RAPGEF4: variants seen among roughly 807,000 people sequenced by gnomAD.
The protein encoded by RAPGEF4 is Rap guanine nucleotide exchange factor 4.
A neutral mutation model predicts 147.9 loss-of-function variants in RAPGEF4; 66 were observed. The ratio of observed to expected loss-of-function variants is 0.45; its 90% CI spans 0.37 to 0.55. The LOEUF (loss-of-function observed/expected upper bound fraction) is 0.55, where lower values mean the gene tolerates loss of function less well. RAPGEF4 is among the 20% of genes least tolerant of loss of function. RAPGEF4 has a pLI of 0.00. For missense variants in RAPGEF4, 1,071 were observed against 1,257.3 expected, an observed-to-expected ratio of 0.85 and a Z score of 2.24; for synonymous variants, 419 against 442.7, an observed-to-expected ratio of 0.95 and a Z score of 0.67.
At chr2:172,862,754 A>C (rs1694174446) in intron 4 of RAPGEF4, among the ~76,000 whole-genome samples, 1 of 152,194 alleles carries the variant, frequency 6.6e-6, no homozygotes, top group African/African-American at 2.4e-5. Flanking sequence ...TTTGGGACAA[A>C]ATACCTAATC....
intron 6 of RAPGEF4, among the ~76,000 whole-genome samples, chr2:172,952,793 C>T (rs1688335134): frequency 6.6e-6 from 1 of 152,122 alleles, no homozygotes; most frequent in Admixed American, 6.5e-5. Flanking sequence ...CTCAGAAGAT[C>T]CTGTATGTTA....
At chr2:172,960,149 C>G (rs1196143597) in intron 6 of RAPGEF4, among the ~76,000 whole-genome samples, 1 of 152,118 alleles carries the variant, frequency 6.6e-6, no homozygotes, top group Non-Finnish European at 1.5e-5. Context: ...TAGAGCTGAT[C>G]TGACAGTCAC....
Position 173,024,217 on chromosome 2 carries a change from TA to T in RAPGEF4, c.2254-2354del, listed in dbSNP as rs1187369649. Among the ~76,000 whole-genome samples the T allele has an allele frequency of 1.7e-3, 82 of 47,100 alleles. 1 individual carries two copies. Among genetic ancestry groups the T allele is most frequent in the African/African-American group, 4.1e-3 (78 of 18,928 alleles). 30.9% of individuals were successfully genotyped at this position (47,100 alleles called of 152,430 possible). Reference sequence around the variant, plus strand: ...TTGCTACAGCACTTCTTTTTTTTATTATTTTTTTTTTTTTTTTTGAGACGGA... The same window carrying T: ...TTGCTACAGCACTTCTTTTTTTTATTTTTTTTTTTTTTTTTTTGAGACGGA... On this transcript the variant is annotated intron_variant, in intron 23 of 30. Coordinates refer to ENST00000397081, the MANE Select transcript of RAPGEF4 (RefSeq NM_007023.4).
In RAPGEF4 at chr2:173,001,713, G is replaced by A. The variant is rs113367715; in HGVS notation, c.1658+369G>A. Among the ~76,000 whole-genome samples, 927 of 152,156 alleles carry A rather than the reference G, an allele frequency of 6.1e-3. 15 individuals carry two copies. The highest frequency in any genetic ancestry group is 0.021 in the African/African-American group (879 of 41,514). ...CCTCTGTTTCTGGGGAGGACTTGGGGAAGTTACAATTGTGGCTGAAGGTGA... is the reference window on the plus strand; with the variant it reads ...CCTCTGTTTCTGGGGAGGACTTGGGAAAGTTACAATTGTGGCTGAAGGTGA... On this transcript the variant is annotated intron_variant, in intron 17 of 30. Coordinates refer to ENST00000397081, the MANE Select transcript of RAPGEF4 (RefSeq NM_007023.4).
chr2:172,978,206 C>A (rs935575081), intron 10 of RAPGEF4, among the ~76,000 whole-genome samples: 8 of 143,788 alleles, frequency 5.6e-5, no homozygotes, highest in African/African-American at 2.2e-4. Flanking sequence ...ACACCCCCCC[C>A]AGAGCTTCCC....
At chr2:173,044,209 G>A (rs1425483011) in intron 29 of RAPGEF4, among the ~76,000 whole-genome samples, 1 of 145,952 alleles carries the variant, frequency 6.9e-6, no homozygotes, top group African/African-American at 2.5e-5. Flanking sequence ...GGAGTTCCTG[G>A]AACCATCTAA....
At chr2:172,765,944 C>T (rs980386769) in intron 1 of RAPGEF4, among the ~76,000 whole-genome samples, 2 of 152,134 alleles carry the variant, frequency 1.3e-5, no homozygotes, top group Admixed American at 1.3e-4. Flanking sequence ...GTAGCTGTCA[C>T]TTCTGAACCC....
chr2:173,001,024 G>A (rs11687990), intron 16 of RAPGEF4, among the ~76,000 whole-genome samples: 46,382 of 151,914 alleles, frequency 0.31, 7,214 homozygotes, highest in Non-Finnish European at 0.34. Context: ...ACCCAGTGCC[G>A]TTTGTACAAG....
intron 11 of RAPGEF4, among the ~76,000 whole-genome samples, chr2:172,984,345 T>A (rs373555204): frequency 7.2e-5 from 11 of 152,320 alleles, no homozygotes; most frequent in African/African-American, 2.4e-4. Context: ...AAAGTGGTGT[T>A]CTGCTACCTC....
At chr2:173,037,150 C>T (rs1684130614) in intron 29 of RAPGEF4, among the ~76,000 whole-genome samples, 1 of 152,190 alleles carries the variant, frequency 6.6e-6, no homozygotes, top group Non-Finnish European at 1.5e-5. Context: ...ATAAAGTTCG[C>T]TCAAGTTCAG....
intron 1 of RAPGEF4, among the ~76,000 whole-genome samples, chr2:172,790,531 C>A (rs1220951066): frequency 6.6e-6 from 1 of 152,144 alleles, no homozygotes; most frequent in Non-Finnish European, 1.5e-5. Context: ...ATTAGAGAAA[C>A]CACATCATCA....
At chr2:172,750,835 A>T (rs1300345671) in intron 1 of RAPGEF4, among the ~76,000 whole-genome samples, 1 of 151,904 alleles carries the variant, frequency 6.6e-6, no homozygotes, top group Non-Finnish European at 1.5e-5. Flanking sequence ...AAGTCAGATT[A>T]CTTGTTTTTT....
intron 4 of RAPGEF4, chr2:172,860,429 TA>T (rs1693896687): frequency 5.7e-6 from 3 of 526,146 alleles, no homozygotes; most frequent in African/African-American, 4.1e-5. Context: ...TCATTTTGTG[TA>T]AATGTAATAT....
intron 17 of RAPGEF4, among the ~76,000 whole-genome samples, chr2:173,011,668 A>G (rs904748849): frequency 3.3e-5 from 5 of 152,106 alleles, no homozygotes; most frequent in African/African-American, 1.2e-4. Context: ...TATCACCAGA[A>G]CCTAGCATGG....
rs1553541600 is a variant in RAPGEF4, at chr2:172,983,485, T to TTA, written c.1005-11_1005-10insTA. 6.3e-7 allele frequency: 1 copy of TTA among 1,582,788 alleles called. No homozygotes were observed. Among genetic ancestry groups the TTA allele is most frequent in the African/African-American group, 1.4e-5 (1 of 72,698 alleles). ...TTTTCCATATTCCTTTTTTTTTTTT[T>TTA]ATCTTTGTAGACCTGGCCAGAGGAC... On this transcript the variant is annotated splice_polypyrimidine_tract_variant and intron_variant, in intron 10 of 30. Transcript: ENST00000397081.
rs1456712263 is a variant in RAPGEF4, at chr2:173,052,511, T to C, written c.*744T>C. ...AATAACATTTCAGAAGAGCACAATA[T>C]GCATAAAACATTTTTCAAAATTGAA... On this transcript the variant is annotated 3_prime_UTR_variant, in exon 31 of 31. Coordinates refer to ENST00000397081, the MANE Select transcript of RAPGEF4 (RefSeq NM_007023.4). 2 of 152,620 alleles carry C rather than the reference T, an allele frequency of 1.3e-5. No homozygotes were observed. The highest frequency in any genetic ancestry group is 4.8e-5 in the African/African-American group (2 of 41,452). 9.5% of individuals were successfully genotyped at this position (152,620 alleles called of 1,614,324 possible).
intron 4 of RAPGEF4, among the ~76,000 whole-genome samples, chr2:172,870,707 T>C (rs561183874): frequency 1.3e-5 from 2 of 152,338 alleles, no homozygotes; most frequent in Admixed American, 1.3e-4. Context: ...TGTGCATGGA[T>C]ATAGCCAGGT....
At chr2:172,867,334 T>G (rs917075404) in intron 4 of RAPGEF4, among the ~76,000 whole-genome samples, 53 of 152,240 alleles carry the variant, frequency 3.5e-4, no homozygotes, top group African/African-American at 1.2e-3. Context: ...TAAATAAATC[T>G]ATTTAGACAA....
intron 4 of RAPGEF4, among the ~76,000 whole-genome samples, chr2:172,874,762 C>T (rs1337059210): frequency 6.6e-6 from 1 of 152,146 alleles, no homozygotes; most frequent in Non-Finnish European, 1.5e-5. Flanking sequence ...GGTATATACC[C>T]AGTAATGGGA....
Sources: allele counts gnomAD v4.1 joint callset (sites outside exome capture counted in the v4.1 genomes callset), GRCh38; gene constraint gnomAD v4.1.1; transcripts MANE v1.5; gene names NCBI Gene and HGNC (gene_info 2026-07-23, HGNC 2026-07-21).